The following MTMR6 variants were observed in gnomAD, a reference collection of about 807,000 sequenced individuals.
MTMR6 encodes myotubularin related protein 6, also known as phosphatidylinositol-3,5-bisphosphate 3-phosphatase MTMR6.
Under a neutral mutation model 80.1 loss-of-function variants are expected in MTMR6, and 47 were observed. The ratio of observed to expected loss-of-function variants is 0.59; its 90% CI spans 0.46 to 0.75. The LOEUF (loss-of-function observed/expected upper bound fraction) is 0.75. MTMR6 is among the 30% of genes least tolerant of loss of function. The probability of loss-of-function intolerance (pLI) is 0.00; values close to 1 mark genes in which losing one functional copy is unlikely to be tolerated. For missense variants in MTMR6, 629 were observed against 730.9 expected (o/e 0.86, Z 1.61); for synonymous variants, 254 against 253.0 (o/e 1.00, Z -0.04).
intron 10 of MTMR6, 30 bp downstream of exon 10, chr13:25,254,355 A>G: frequency 6.7e-7 from 1 of 1,497,706 alleles, no homozygotes; most frequent in South Asian, 1.1e-5. Flanking sequence ...CTAATTTTAT[A>G]AAATATATGA....
intron 1 of MTMR6, among the ~76,000 whole-genome samples, 181 bp downstream of exon 1, chr13:25,287,043 C>T (rs1317310438): frequency 6.6e-6 from 1 of 151,660 alleles, no homozygotes; most frequent in African/African-American, 2.4e-5. Flanking sequence ...CCTCTGCACC[C>T]CGCTTGGCCC....
intron 1 of MTMR6, among the ~76,000 whole-genome samples, chr13:25,280,039 G>A (rs1957811889): frequency 6.6e-6 from 1 of 152,090 alleles, no homozygotes; most frequent in Non-Finnish European, 1.5e-5. Flanking sequence ...ATATAATTAG[G>A]GCCTGGAGTA....
At chr13:25,270,115 T>C (rs1396607603) in intron 2 of MTMR6, among the ~76,000 whole-genome samples, 1 of 152,240 alleles carries the variant, frequency 6.6e-6, no homozygotes, top group Non-Finnish European at 1.5e-5. Context: ...AGCATTTCCT[T>C]TGAACATCAT....
At position 25,257,316 on chromosome 13, in the gene MTMR6, T is replaced by C. The variant is rs752908419; in HGVS notation, c.975A>G (p.Ile325Met). 1 of 1,613,540 alleles carries C rather than the reference T, an allele frequency of 6.2e-7. No individual in the cohort carries two copies. The highest frequency in any genetic ancestry group is 2.2e-5 in the East Asian group (1 of 44,874). Reference protein sequence around the residue: ...MDAAIFLAKAITVENASVLVH... With the variant: ...MDAAIFLAKAMTVENASVLVH... ...CCAACACACTTGCATTTTCAACTGTTATTGCCTGAAAAGAAAGATCACATA... is the reference window on the plus strand; with the variant it reads ...CCAACACACTTGCATTTTCAACTGTCATTGCCTGAAAAGAAAGATCACATA... The change falls in exon 9 of 14, where the codon ATA (isoleucine) becomes ATG (methionine). Residue 325 changes from isoleucine to methionine, a missense_variant. Ile to Met is a conservative substitution (Grantham distance 10). Coordinates refer to ENST00000381801, the MANE Select transcript of MTMR6 (RefSeq NM_004685.5).
intron 1 of MTMR6, among the ~76,000 whole-genome samples, chr13:25,278,456 G>A (rs1351909535): frequency 6.6e-6 from 1 of 151,898 alleles, no homozygotes; most frequent in Admixed American, 6.6e-5. Context: ...GCAGCCGGGC[G>A]CAGCTTGCAA....
chr13:25,258,703 A>G lies in MTMR6; in HGVS notation c.727-11T>C. 1 of 1,468,554 alleles carries G rather than the reference A, an allele frequency of 6.8e-7. No individual in the cohort carries two copies. The highest frequency in any genetic ancestry group is 9.1e-7 in the Non-Finnish European group (1 of 1,103,626). 91.0% of individuals were successfully genotyped at this position (1,468,554 alleles called of 1,614,324 possible). A position where few individuals can be genotyped will look rare whatever the true frequency, so the allele number is the denominator to read the frequency against. Reference sequence around the variant, plus strand: ...GGCCATTGCATTCAGCTAAAATTAAAAGTTTTAGAAATTTAGAGACAAATT... The same window carrying G: ...GGCCATTGCATTCAGCTAAAATTAAGAGTTTTAGAAATTTAGAGACAAATT... On this transcript the variant is annotated splice_polypyrimidine_tract_variant and intron_variant, in intron 6 of 13. Coordinates refer to ENST00000381801, the MANE Select transcript of MTMR6 (RefSeq NM_004685.5).
At chr13:25,263,601 C>T (rs529423095) in intron 5 of MTMR6, among the ~76,000 whole-genome samples, 1 of 152,216 alleles carries the variant, frequency 6.6e-6, no homozygotes, top group African/African-American at 2.4e-5. Context: ...AGAAAGAATC[C>T]CAAAGCCAGG....
intron 6 of MTMR6, among the ~76,000 whole-genome samples, chr13:25,259,874 T>A (rs944112202): frequency 2.6e-5 from 4 of 152,090 alleles, no homozygotes; most frequent in Non-Finnish European, 5.9e-5. Context: ...TTTCTATTTT[T>A]AAATAATTAT....
chr13:25,255,318 G>C (rs1297343236), intron 9 of MTMR6, among the ~76,000 whole-genome samples: 1 of 152,132 alleles, frequency 6.6e-6, no homozygotes, highest in Non-Finnish European at 1.5e-5. Context: ...ATTTTATTCT[G>C]GTCTCTCTGC....
intron 1 of MTMR6, among the ~76,000 whole-genome samples, chr13:25,279,540 C>T (rs1957799394): frequency 6.6e-6 from 1 of 152,108 alleles, no homozygotes; most frequent in Non-Finnish European, 1.5e-5. Context: ...TATTTGTGCT[C>T]AAGTAAATAT....
rs1443137643 is a variant in MTMR6 at position 25,257,425 on chromosome 13, C to T, written c.970-104G>A. 2.3e-6 allele frequency: 3 copies of T among 1,311,780 alleles called. No individual in the cohort carries two copies. In the Admixed American group the frequency reaches 7.3e-5, roughly 32 times the overall value. 81.3% of individuals were successfully genotyped at this position (1,311,780 alleles called of 1,614,324 possible). On this transcript the variant is annotated intron_variant, in intron 8 of 13. Coordinates refer to ENST00000381801, the MANE Select transcript of MTMR6 (RefSeq NM_004685.5). The stretch of plus-strand genomic sequence containing the variant: ...TATTGTGTTACAAGGAAGTGCTATG[C>T]CTGCAATGATAATGTCACAGCATAA...
Position 25,257,797 on chromosome 13 carries a change from T to C in MTMR6, c.908A>G (p.Glu303Gly). 1 of 1,613,976 alleles carries C rather than the reference T, an allele frequency of 6.2e-7. No individual in the cohort carries two copies. The highest frequency in any genetic ancestry group is 8.5e-7 in the Non-Finnish European group (1 of 1,179,886). Residue 303 changes from glutamate to glycine, a missense_variant, in exon 8 of 14, where the codon GAG (glutamate) becomes GGG (glycine). Physicochemically the swap from Glu to Gly is moderately conservative, Grantham distance 98. Transcript: ENST00000381801. ...LSVNDFYSGL[E>G]SSGWLRHIKA... is the part of the protein sequence containing the mutation. ...GATATGGCGAAGCCATCCCGAGCTC[T>C]CCAAACCGGAGTAGAAATCATTGAC...
rs976165278 is a variant in MTMR6 at position 25,246,960 on chromosome 13, A to T, written c.*2272T>A. 5 of 152,198 alleles carry T rather than the reference A, an allele frequency of 3.3e-5. No homozygotes were observed. The highest frequency in any genetic ancestry group is 1.2e-4 in the African/African-American group (5 of 41,446). The allele number at this position is 152,198 out of a possible 1,614,324, so 9.4% of individuals were successfully genotyped here. A position where few individuals can be genotyped will look rare whatever the true frequency, so the allele number is the denominator to read the frequency against. On this transcript the variant is annotated 3_prime_UTR_variant, in exon 14 of 14. Transcript: ENST00000381801. ...TTGTACTCAATGGACCCTGCCTTCC[A>T]TCAAGTTGGCAAGGGCACAAAAAAA...
Position 25,257,732 on chromosome 13 carries a change from T to C in MTMR6, c.969+4A>G, listed in dbSNP as rs538191240. On this transcript the variant is annotated splice_donor_region_variant and intron_variant, in intron 8 of 13. Coordinates refer to ENST00000381801, the MANE Select transcript of MTMR6 (RefSeq NM_004685.5). ...AAGACCAAATATGAAAGATAAAGTA[T>C]TACTTTGGCCAAGAAGATTGCAGCA... 1 of 1,596,918 alleles carries C rather than the reference T, an allele frequency of 6.3e-7. No homozygotes were observed. The highest frequency in any genetic ancestry group is 2.2e-5 in the East Asian group (1 of 44,742).
chr13:25,274,961 T>TACATACACAC, intron 1 of MTMR6, among the ~76,000 whole-genome samples: 1 of 105,056 alleles, frequency 9.5e-6, no homozygotes, highest in Middle Eastern at 6.0e-3. Context: ...CACACACACA[T>TACATACACAC]ACACACACAC....
intron 1 of MTMR6, 108 bp from the exon 2 acceptor site, chr13:25,274,295 T>C: frequency 1.6e-6 from 1 of 626,446 alleles, no homozygotes; most frequent in Non-Finnish European, 2.7e-6. Flanking sequence ...CCTCCTAAAA[T>C]CATAAGAGCT....
chr13:25,281,536 G>C (rs1957846074), intron 1 of MTMR6, among the ~76,000 whole-genome samples: 1 of 151,114 alleles, frequency 6.6e-6, no homozygotes, highest in Non-Finnish European at 1.5e-5. Flanking sequence ...TGAGGAAAAA[G>C]TGGCCTCTGG....
chr13:25,271,051 T>C (rs1957563288), intron 2 of MTMR6, among the ~76,000 whole-genome samples: 1 of 152,212 alleles, frequency 6.6e-6, no homozygotes, highest in Non-Finnish European at 1.5e-5. Context: ...ATGTGGGTGC[T>C]AAGCTCGAAA....
At chr13:25,283,189 T>C (rs1224892038) in intron 1 of MTMR6, among the ~76,000 whole-genome samples, 1 of 152,078 alleles carries the variant, frequency 6.6e-6, no homozygotes, top group Non-Finnish European at 1.5e-5. Context: ...AGATTATTAT[T>C]CTGTGAGGCA....
Sources: gnomAD v4.1 joint callset for allele counts (sites outside exome capture counted in the v4.1 genomes callset) on GRCh38, gnomAD v4.1.1 for gene constraint, MANE v1.5 for transcripts, NCBI Gene and HGNC (gene_info 2026-07-23, HGNC 2026-07-21) for gene names.